NFATC2: variants seen among roughly 807,000 people sequenced by gnomAD.
NFATC2 encodes nuclear factor of activated T-cells, cytoplasmic 2.
Under a neutral mutation model 87.3 loss-of-function variants are expected in NFATC2, and 22 were observed. That is an observed-to-expected ratio of 0.25 (90% CI 0.18 to 0.36). The LOEUF is 0.36. Ranked by LOEUF, NFATC2 falls within the 10% of genes least tolerant of loss-of-function variation. NFATC2 has a pLI of 1.00. For missense variants in NFATC2, 1,149 were observed against 1,259.1 expected (o/e 0.91, Z 1.32); for synonymous variants, 565 against 542.2 (o/e 1.04, Z -0.58).
intron 3 of NFATC2, among the ~76,000 whole-genome samples, chr20:51,506,158 A>C (rs1014172284): frequency 2.0e-5 from 3 of 152,194 alleles, no homozygotes; most frequent in Admixed American, 2.0e-4. Flanking sequence ...CAGCGCCACT[A>C]TCTCTCCAAG....
intron 3 of NFATC2, among the ~76,000 whole-genome samples, chr20:51,487,705 G>C (rs1002720196): frequency 6.6e-6 from 1 of 151,986 alleles, no homozygotes; most frequent in Non-Finnish European, 1.5e-5. Context: ...GCATAAAAAA[G>C]GTGAGTTATT....
At position 51,396,318 on chromosome 20, in the gene NFATC2, G is replaced by A. The variant is rs115639991; in HGVS notation, c.*44+2325C>T. ...AGAGCTCAGAGGTTCCCAAACTTCA[G>A]TTTGCAGCAGGATGGCTGCTCAGGA... On this transcript the variant is annotated intron_variant, in intron 10 of 10. Coordinates refer to ENST00000371564, the MANE Select transcript of NFATC2 (RefSeq NM_012340.5). Among the ~76,000 whole-genome samples, 1,514 of 152,110 alleles carry A rather than the reference G, an allele frequency of 1.0e-2. 31 individuals are homozygous for A. The highest frequency in any genetic ancestry group is 0.035 in the African/African-American group (1,468 of 41,486).
chr20:51,508,050 T>C (rs183755670), intron 3 of NFATC2, among the ~76,000 whole-genome samples: 3 of 152,322 alleles, frequency 2.0e-5, no homozygotes, highest in Non-Finnish European at 4.4e-5. Flanking sequence ...TTGCCAGAAA[T>C]ACTGCAAGTT....
At chr20:51,512,317 A>C (rs999963619) in intron 3 of NFATC2, among the ~76,000 whole-genome samples, 1 of 152,160 alleles carries the variant, frequency 6.6e-6, no homozygotes, top group Non-Finnish European at 1.5e-5. Flanking sequence ...TCCAGGCATC[A>C]GCCCACAGAT....
Position 51,432,609 on chromosome 20 carries a change from G to T in NFATC2, c.2180C>A (p.Pro727His). The T allele has an allele frequency of 1.3e-6, 2 of 1,528,718 alleles. No individual in the cohort carries two copies. The highest frequency in any genetic ancestry group is 2.3e-5 in the East Asian group (1 of 44,014). The allele number at this position is 1,528,718 out of a possible 1,614,324, so 94.7% of individuals were successfully genotyped here. Residue 727 changes from proline (P) to histidine (H), a missense_variant, in exon 9 of 11, where the codon CCC becomes CAC. By Grantham distance (77) the Pro-to-His change is moderately conservative. Coordinates refer to ENST00000371564, the MANE Select transcript of NFATC2 (RefSeq NM_012340.5). This position sits in a 1 kb window ranked among gnomAD's most constrained non-coding sequence, Gnocchi z 4.6. ...SPSCLVATMA[P>H]CQQFRTGLSS... is the part of the protein sequence containing the mutation. ...GAGCCCCGTGCGGAACTGCTGGCAG[G>T]GAGCCATGGTGGCCACGAGGCAGGA...
intron 9 of NFATC2, among the ~76,000 whole-genome samples, chr20:51,410,159 G>A (rs1474480756): frequency 2.2e-5 from 3 of 135,448 alleles, no homozygotes; most frequent in Non-Finnish European, 3.0e-5. Flanking sequence ...GCAGTGAGCC[G>A]AGATCATGCC....
intron 9 of NFATC2, among the ~76,000 whole-genome samples, chr20:51,411,516 C>CT (rs67935951): frequency 0.047 from 4,059 of 87,116 alleles, 718 homozygotes; most frequent in East Asian, 0.072. Context: ...ATGCAATTGT[C>CT]TTTTTTTTTT....
At chr20:51,452,472 A>G (rs547184672) in intron 6 of NFATC2, among the ~76,000 whole-genome samples, 80 of 152,306 alleles carry the variant, frequency 5.3e-4, no homozygotes, top group Non-Finnish European at 8.7e-4. Flanking sequence ...GACAGCTCCC[A>G]TGACAACATC....
chr20:51,425,521 G>C (rs533634983), intron 9 of NFATC2, among the ~76,000 whole-genome samples: 17 of 152,320 alleles, frequency 1.1e-4, no homozygotes, highest in Non-Finnish European at 1.8e-4. Flanking sequence ...TCGGCACCAG[G>C]AGGCCCAGCC....
chr20:51,433,146 C>T (rs1983033021), intron 8 of NFATC2, among the ~76,000 whole-genome samples: 1 of 152,072 alleles, frequency 6.6e-6, no homozygotes, highest in African/African-American at 2.4e-5. Flanking sequence ...ACTGCTTATC[C>T]CCGTCAGAAA....
intron 9 of NFATC2, among the ~76,000 whole-genome samples, chr20:51,417,247 G>C (rs1980172502): frequency 6.6e-6 from 1 of 152,030 alleles, no homozygotes; most frequent in South Asian, 2.1e-4. Flanking sequence ...AATATTTCCT[G>C]TACTTGTCAG....
intron 6 of NFATC2, among the ~76,000 whole-genome samples, chr20:51,436,621 A>ACT (rs1983615841): frequency 6.6e-6 from 1 of 152,170 alleles, no homozygotes; most frequent in African/African-American, 2.4e-5. Flanking sequence ...AGGCTGAGGC[A>ACT]TGAGAATTGC....
At chr20:51,463,665 G>A (rs1332441218) in intron 5 of NFATC2, among the ~76,000 whole-genome samples, 1 of 152,182 alleles carries the variant, frequency 6.6e-6, no homozygotes, top group South Asian at 2.1e-4. Context: ...CTTGCCAGCC[G>A]TGGGACTGCA....
At position 51,444,044 on chromosome 20, in the gene NFATC2, C is replaced by G. The variant is rs142552202; in HGVS notation, c.1850-8283G>C. Among the ~76,000 whole-genome samples, 219 of 152,214 alleles carry G rather than the reference C, an allele frequency of 1.4e-3. 1 individual carries two copies. The highest frequency in any genetic ancestry group is 2.3e-3 in the Non-Finnish European group (154 of 68,014). ...ATTGCCCAGGCAGGAGTCCATGGCGCGATCTCAGCTCACTGCAACCTCCAC... is the reference window on the plus strand; with the variant it reads ...ATTGCCCAGGCAGGAGTCCATGGCGGGATCTCAGCTCACTGCAACCTCCAC... On this transcript the variant is annotated intron_variant, in intron 6 of 10. Transcript: ENST00000371564.
rs1480710460 is a variant in NFATC2, at chr20:51,523,140, G to A, written c.1101C>T (p.Ser367=). The A allele has an allele frequency of 4.3e-6, 7 of 1,614,118 alleles. No homozygotes were observed. In the African/African-American group the frequency reaches 6.7e-5, roughly 15 times the overall value. ...GCCAAGTGGGCGGAACCAGCAGGATGGATTCTGGAGCCGAGTTTCTCCTCT... is the reference window on the plus strand; with the variant it reads ...GCCAAGTGGGCGGAACCAGCAGGATAGATTCTGGAGCCGAGTTTCTCCTCT... ...QGERRNSAPE[S]ILLVPPTWPK... is the part of the protein sequence containing the mutation. Residue 367 remains serine, a synonymous_variant, in exon 2 of 11, where the codon TCC becomes TCT. Transcript: ENST00000371564. The surrounding 1 kb of genome is among the most constrained non-coding windows in gnomAD (Gnocchi z 6.9).
rs180968114 is a variant in NFATC2, at chr20:51,405,818, G to A, written c.2723-7088C>T. ...GATAGGACTTGCCCAGAATTTTTCC[G>A]ATCAGGTCTGGCTTTCAACTGTCTC... On this transcript the variant is annotated intron_variant, in intron 9 of 10. Transcript: ENST00000371564. Among the ~76,000 whole-genome samples, 71 of 152,240 alleles carry A rather than the reference G, an allele frequency of 4.7e-4. 1 individual carries two copies. Among genetic ancestry groups the A allele is most frequent in the African/African-American group, 9.1e-4 (38 of 41,560 alleles).
chr20:51,464,343 A>G (rs1987458404), intron 5 of NFATC2, among the ~76,000 whole-genome samples: 1 of 152,200 alleles, frequency 6.6e-6, no homozygotes. Context: ...GGGAGGTACT[A>G]TTATTCTCCC....
chr20:51,532,007 C>T (rs1290307905), intron 1 of NFATC2, among the ~76,000 whole-genome samples: 1 of 152,158 alleles, frequency 6.6e-6, no homozygotes, highest in Non-Finnish European at 1.5e-5. Flanking sequence ...CTCTCCATTC[C>T]ACACTTTGTA....
intron 1 of NFATC2, among the ~76,000 whole-genome samples, chr20:51,555,466 G>A (rs186182364): frequency 1.3e-3 from 201 of 152,158 alleles, no homozygotes; most frequent in African/African-American, 4.4e-3. Context: ...GGTGGCGGGC[G>A]CCTGTAGTCC....
Sources: gnomAD v4.1 joint callset for allele counts (sites outside exome capture counted in the v4.1 genomes callset) on GRCh38, gnomAD v4.1.1 for gene constraint, Gnocchi (gnomAD v3.1) non-coding constraint, MANE v1.5 for transcripts, NCBI Gene and HGNC (gene_info 2026-07-23, HGNC 2026-07-21) for gene names.